The following NAV2 variants were observed in gnomAD, a reference collection of about 807,000 sequenced individuals.
NAV2 encodes the protein helicase, APC down-regulated 1.
In NAV2, 54 loss-of-function variants were observed where a neutral mutation model predicts 223.2. The observed-to-expected ratio is 0.24, with a 90% CI of 0.19 to 0.30. The LOEUF is 0.30. NAV2 is among the 10% of genes least tolerant of loss of function. NAV2 has a pLI of 1.00. For synonymous variants in NAV2, 1,279 were observed against 1,239.3 expected (o/e 1.03, Z -0.67); for missense variants, 2,806 against 3,147.5 (o/e 0.89, Z 2.60).
At chr11:19,469,267 T>TGAAG (rs2041884216) in intron 1 of NAV2, among the ~76,000 whole-genome samples, 2 of 152,144 alleles carry the variant, frequency 1.3e-5, no homozygotes, top group Non-Finnish European at 2.9e-5. Flanking sequence ...ATGAGCTGAG[T>TGAAG]CAGAGCCCCA....
intron 30 of NAV2, among the ~76,000 whole-genome samples, chr11:20,097,240 C>T (rs1184425261): frequency 6.6e-6 from 1 of 152,222 alleles, no homozygotes; most frequent in Non-Finnish European, 1.5e-5. Flanking sequence ...GCACCATTCA[C>T]AGGCCCTGAT....
At chr11:19,725,783 A>G (rs1423209266) in intron 1 of NAV2, among the ~76,000 whole-genome samples, 3 of 152,266 alleles carry the variant, frequency 2.0e-5, no homozygotes, top group Non-Finnish European at 4.4e-5. Context: ...TGTATTAGGC[A>G]TGAACTGTTG....
chr11:19,465,895 G>A (rs1852332027), intron 1 of NAV2, among the ~76,000 whole-genome samples: 1 of 152,204 alleles, frequency 6.6e-6, no homozygotes. Flanking sequence ...TAAGGCATGA[G>A]CTCAGAAGGG....
At chr11:19,854,280 G>A (rs1467815623) in intron 3 of NAV2, among the ~76,000 whole-genome samples, 1 of 152,152 alleles carries the variant, frequency 6.6e-6, no homozygotes, top group Non-Finnish European at 1.5e-5. Flanking sequence ...CTGTTTGGAC[G>A]TTGTAAGGCA....
At chr11:19,767,096 C>T (rs2055289546) in intron 1 of NAV2, among the ~76,000 whole-genome samples, 1 of 152,196 alleles carries the variant, frequency 6.6e-6, no homozygotes, top group Non-Finnish European at 1.5e-5. Context: ...CTGGACCATC[C>T]TTGGCCCAGG....
chr11:19,906,079 G>A (rs112060207), intron 6 of NAV2, among the ~76,000 whole-genome samples: 47 of 152,212 alleles, frequency 3.1e-4, no homozygotes, highest in African/African-American at 1.1e-3. Flanking sequence ...AGGGGGTCTC[G>A]GCTGGGCCTG....
intron 1 of NAV2, among the ~76,000 whole-genome samples, chr11:19,367,489 C>G (rs1848327952): frequency 6.6e-6 from 1 of 152,204 alleles, no homozygotes; most frequent in Non-Finnish European, 1.5e-5. Context: ...ACTCCAAGAA[C>G]TATTCATCCA....
chr11:19,686,071 T>C (rs1263567299), intron 1 of NAV2, among the ~76,000 whole-genome samples: 1 of 152,086 alleles, frequency 6.6e-6, no homozygotes, highest in Non-Finnish European at 1.5e-5. Flanking sequence ...ACAAGCCTAT[T>C]CTCCAGGTCC....
At chr11:19,886,365 AGT>A (rs1163636205) in intron 5 of NAV2, among the ~76,000 whole-genome samples, 3 of 152,150 alleles carry the variant, frequency 2.0e-5, no homozygotes, top group Non-Finnish European at 2.9e-5. Flanking sequence ...ACCGTATGGC[AGT>A]GTGCTTCTCC....
At chr11:19,984,340 A>T in intron 11 of NAV2, 93 bp downstream of exon 11, 2 of 1,581,426 alleles carry the variant, frequency 1.3e-6, no homozygotes, top group Non-Finnish European at 1.7e-6. Context: ...GAGTGAATGG[A>T]GACTTGAACC....
chr11:20,047,394 G>T (rs1456862377), intron 14 of NAV2, among the ~76,000 whole-genome samples: 1 of 152,176 alleles, frequency 6.6e-6, no homozygotes, highest in African/African-American at 2.4e-5. Flanking sequence ...AATCTTTGGT[G>T]AATTTGATAG....
In NAV2 at chr11:19,713,652, C is replaced by T; in HGVS notation, c.-44C>T. 6.7e-7 allele frequency: 1 copy of T among 1,498,592 alleles called. No homozygotes were observed. The highest frequency in any genetic ancestry group is 8.9e-7 in the Non-Finnish European group (1 of 1,123,636). The allele number at this position is 1,498,592 out of a possible 1,614,324, so 92.8% of individuals were successfully genotyped here. On this transcript the variant is annotated 5_prime_UTR_variant, in exon 1 of 38. Transcript: ENST00000349880. This position sits in a 1 kb window ranked among gnomAD's most constrained non-coding sequence, Gnocchi z 7.2. Reference sequence around the variant, plus strand: ...CTGCCTTTAGCGGTCGCCCCCGCCGCCGCTGCCAGGGACGTGCTGGGAAAG... The same window carrying T: ...CTGCCTTTAGCGGTCGCCCCCGCCGTCGCTGCCAGGGACGTGCTGGGAAAG...
intron 1 of NAV2, among the ~76,000 whole-genome samples, chr11:19,717,667 G>C (rs779167298): frequency 8.5e-5 from 13 of 152,212 alleles, no homozygotes; most frequent in Non-Finnish European, 1.8e-4. Context: ...TTGCATGTTG[G>C]CTTCCTGGTG....
At chr11:19,595,722 TA>T (rs67079641) in intron 1 of NAV2, among the ~76,000 whole-genome samples, 126,705 of 147,930 alleles carry the variant, frequency 0.86, 56,587 homozygotes, top group Non-Finnish European at 0.98. Flanking sequence ...GAAGGCTAAT[TA>T]AAAAAAAAAA....
intron 1 of NAV2, among the ~76,000 whole-genome samples, chr11:19,443,329 T>C (rs1178696970): frequency 6.6e-6 from 1 of 152,198 alleles, no homozygotes; most frequent in Non-Finnish European, 1.5e-5. Flanking sequence ...ACCAATGGTC[T>C]GCAATGACGG....
chr11:19,647,820 A>G (rs566599302), intron 1 of NAV2, among the ~76,000 whole-genome samples: 10 of 152,306 alleles, frequency 6.6e-5, no homozygotes, highest in African/African-American at 2.4e-4. Context: ...CTTTCTCCTA[A>G]CTGTGTCTGC....
chr11:20,010,288 A>T (rs2053458169), intron 11 of NAV2, among the ~76,000 whole-genome samples: 1 of 152,100 alleles, frequency 6.6e-6, no homozygotes, highest in Non-Finnish European at 1.5e-5. Flanking sequence ...GGAAAATGGA[A>T]TTGGTTTTGC....
At chr11:19,467,018 C>CACACACAG (rs982297137) in intron 1 of NAV2, among the ~76,000 whole-genome samples, 14 of 82,448 alleles carry the variant, frequency 1.7e-4, no homozygotes, top group African/African-American at 4.8e-4. Flanking sequence ...CACACACACA[C>CACACACAG]AGAGAGAGAG....
intron 1 of NAV2, among the ~76,000 whole-genome samples, chr11:19,401,248 A>G (rs1371763716): frequency 4.6e-5 from 7 of 152,258 alleles, no homozygotes; most frequent in African/African-American, 9.6e-5. Flanking sequence ...AGACAAAAGC[A>G]TTGAATGACC....
Sources: gnomAD v4.1 joint callset for allele counts (sites outside exome capture counted in the v4.1 genomes callset) on GRCh38, gnomAD v4.1.1 for gene constraint, Gnocchi (gnomAD v3.1) non-coding constraint, MANE v1.5 for transcripts, NCBI Gene and HGNC (gene_info 2026-07-23, HGNC 2026-07-21) for gene names.